DNAH5: variants seen among roughly 807,000 people sequenced by gnomAD.
DNAH5 encodes axonemal beta dynein heavy chain 5.
DNAH5 carries 372 observed loss-of-function variants against 518.2 expected under a neutral mutation model. That is an observed-to-expected ratio of 0.72 (90% CI 0.66 to 0.78). The LOEUF (loss-of-function observed/expected upper bound fraction) is 0.78, where lower values mean the gene tolerates loss of function less well. Ranked by LOEUF, DNAH5 falls within the 30% of genes least tolerant of loss-of-function variation. The pLI is 0.00. For missense variants in DNAH5, 5,523 were observed against 5,687.0 expected, an observed-to-expected ratio of 0.97 and a Z score of 0.93; for synonymous variants, 2,039 against 2,025.9, an observed-to-expected ratio of 1.01 and a Z score of -0.17.
intron 3 of DNAH5, 78 bp downstream of exon 3, chr5:13,928,016 A>G (rs1778059015): frequency 7.9e-7 from 1 of 1,267,384 alleles, no homozygotes; most frequent in Non-Finnish European, 1.2e-6. Flanking sequence ...CCGTTCTCAC[A>G]GTAGCTTTCT....
intron 70 of DNAH5, among the ~76,000 whole-genome samples, chr5:13,725,605 A>G (rs1167980687): frequency 2.6e-5 from 4 of 152,170 alleles, no homozygotes; most frequent in Non-Finnish European, 5.9e-5. Flanking sequence ...CAGCCTTTCA[A>G]TGGGGGAGAA....
chr5:13,852,565 G>A (rs927150343), intron 30 of DNAH5, among the ~76,000 whole-genome samples: 2 of 152,148 alleles, frequency 1.3e-5, no homozygotes, highest in African/African-American at 2.4e-5. Context: ...GTAGCCAGGT[G>A]GTCTTGCTCA....
chr5:13,862,784 A>G (rs1768649822), intron 28 of DNAH5, 37 bp from the exon 29 acceptor site: 1 of 1,567,722 alleles, frequency 6.4e-7, no homozygotes. Context: ...ATTGCATGAA[A>G]GTCACACGTC....
chr5:13,774,624 G>A (rs887931290), intron 55 of DNAH5, among the ~76,000 whole-genome samples: 1 of 152,156 alleles, frequency 6.6e-6, no homozygotes, highest in Non-Finnish European at 1.5e-5. Flanking sequence ...AGCTCAATAT[G>A]TACGTTCCGA....
At chr5:13,875,465 CAAAAAAAAAAAAA>C (rs70964513) in intron 22 of DNAH5, among the ~76,000 whole-genome samples, 1 of 106,022 alleles carries the variant, frequency 9.4e-6, no homozygotes, top group Non-Finnish European at 1.8e-5. Context: ...GAAACTCCTT[CAAAAAAAAAAAAA>C]AAAAAAAAGA....
At chr5:13,813,924 C>T (rs1761064469) in intron 43 of DNAH5, among the ~76,000 whole-genome samples, 1 of 152,028 alleles carries the variant, frequency 6.6e-6, no homozygotes, top group African/African-American at 2.4e-5. Context: ...TGAAAATATT[C>T]AATATAACCA....
chr5:13,727,779 A>AT (rs1649950709), intron 69 of DNAH5, 123 bp from the exon 70 acceptor site: 9 of 1,066,260 alleles, frequency 8.4e-6, no homozygotes, highest in African/African-American at 3.2e-5. Context: ...TTCCTTGGCT[A>AT]TTTTTTTATT....
rs377367981 is a variant in DNAH5 at position 13,807,734 on chromosome 5, G to C, written c.7753-9C>G. ...CCAATTAATAGCACAGCCTAAAATA[G>C]AGGGAATTGAAAAAAAAAGAAATGA... On this transcript the variant is annotated splice_polypyrimidine_tract_variant and intron_variant, in intron 46 of 78. Coordinates refer to ENST00000265104, the MANE Select transcript of DNAH5 (RefSeq NM_001369.3). 358 of 1,597,504 alleles carry C rather than the reference G, an allele frequency of 2.2e-4. 1 individual carries two copies. The African/African-American group carries it at 4.5e-3, about 20-fold the overall frequency.
intron 63 of DNAH5, 150 bp downstream of exon 63, chr5:13,753,083 T>C (rs1750467541): frequency 9.6e-6 from 6 of 623,296 alleles, no homozygotes; most frequent in Admixed American, 5.8e-5. Flanking sequence ...AATATTTTTA[T>C]ATTAGATTTA....
intron 3 of DNAH5, among the ~76,000 whole-genome samples, chr5:13,924,295 A>G (rs1238800872): frequency 1.3e-5 from 2 of 152,140 alleles, no homozygotes; most frequent in Non-Finnish European, 2.9e-5. Context: ...CAGAACTTCA[A>G]TCTCAGGCTG....
chr5:13,771,493 T>A (rs1467337712), intron 55 of DNAH5, among the ~76,000 whole-genome samples: 1 of 152,222 alleles, frequency 6.6e-6, no homozygotes, highest in African/African-American at 2.4e-5. Flanking sequence ...AGCTGGTCAT[T>A]TGTGGTCAGT....
chr5:13,746,227 G>A (rs1374504330), intron 65 of DNAH5, among the ~76,000 whole-genome samples: 1 of 152,104 alleles, frequency 6.6e-6, no homozygotes, highest in African/African-American at 2.4e-5. Flanking sequence ...CTCTTACTAG[G>A]ACAATGCTGT....
chr5:13,957,231 A>G (rs1355889517), intron 1 of DNAH5, among the ~76,000 whole-genome samples: 2 of 152,244 alleles, frequency 1.3e-5, no homozygotes, highest in African/African-American at 4.8e-5. Flanking sequence ...GAGACTCTGG[A>G]AACAGCTGAC....
At chr5:13,833,962 G>A (rs1320057499) in intron 35 of DNAH5, among the ~76,000 whole-genome samples, 1 of 152,204 alleles carries the variant, frequency 6.6e-6, no homozygotes, top group Non-Finnish European at 1.5e-5. Flanking sequence ...TCACAGGTCA[G>A]TCAGTGAAGG....
At chr5:13,901,647 T>C in intron 13 of DNAH5, 74 bp from the exon 14 acceptor site, 1 of 864,794 alleles carries the variant, frequency 1.2e-6, no homozygotes, top group Non-Finnish European at 1.7e-6. Context: ...AAATATCTAG[T>C]AATCTCATTT....
At chr5:13,967,773 ATTG>A (rs1781621779) in intron 1 of DNAH5, among the ~76,000 whole-genome samples, 2 of 143,924 alleles carry the variant, frequency 1.4e-5, no homozygotes, top group Non-Finnish European at 3.1e-5. Context: ...GAATTTGTAG[ATTG>A]CTTTTGGCCA....
In DNAH5 at chr5:13,716,682, G is replaced by C; in HGVS notation, c.12714C>G (p.Ser4238=). 6.2e-7 allele frequency: 1 copy of C among 1,612,038 alleles called. No individual in the cohort carries two copies. Among genetic ancestry groups the C allele is most frequent in the Non-Finnish European group, 8.5e-7 (1 of 1,178,340 alleles). ...LDDMDVKKGV[S]WTTIRYMIGE... Reference sequence around the variant, plus strand: ...CTATCATGTAGCGGATGGTGGTCCAGGAGACACCCTGGGAAATTTTATAGA... The same window carrying C: ...CTATCATGTAGCGGATGGTGGTCCACGAGACACCCTGGGAAATTTTATAGA... The change falls in exon 74 of 79, where the codon TCC becomes TCG. Residue 4238 remains serine (S), a synonymous_variant. Transcript: ENST00000265104.
At chr5:13,947,470 A>G (rs1780024745), upstream of DNAH5, among the ~76,000 whole-genome samples, 1 of 152,258 alleles carries the variant, frequency 6.6e-6, no homozygotes, top group Non-Finnish European at 1.5e-5. Context: ...AATGATTTAA[A>G]TATATTTAAA....
chr5:13,870,950 A>T lies in DNAH5; in HGVS notation c.3651T>A (p.Ile1217=), dbSNP rs1580682981. ...GGTATTTTTTGTTACAGTGGCGTCC[A>T]ATGACAACCATCCAGGCCTTTGTCT... ...TAETKAWMVV[I]GRHCNKKYRS... Residue 1217 remains isoleucine, a synonymous_variant, in exon 24 of 79, where the codon ATT becomes ATA. Coordinates refer to ENST00000265104, the MANE Select transcript of DNAH5 (RefSeq NM_001369.3). The T allele has an allele frequency of 6.2e-7, 1 of 1,613,830 alleles. No individual in the cohort carries two copies. The highest frequency in any genetic ancestry group is 2.2e-5 in the East Asian group (1 of 44,862).
Sources: gnomAD v4.1 joint callset for allele counts (sites outside exome capture counted in the v4.1 genomes callset) on GRCh38, gnomAD v4.1.1 for gene constraint, MANE v1.5 for transcripts, NCBI Gene and HGNC (gene_info 2026-07-23, HGNC 2026-07-21) for gene names.